Variants in PCNX1 observed in about 807,000 individuals in gnomAD.
PCNX1 encodes pecanex-like protein 1.
PCNX1 carries 78 observed loss-of-function variants against 242.2 expected under a neutral mutation model. The ratio of observed to expected loss-of-function variants is 0.32; its 90% CI spans 0.27 to 0.39. PCNX1 has a LOEUF of 0.39. Among genes scored for constraint, PCNX1 ranks in the 10% least tolerant of loss-of-function variants. The pLI is 1.00. For synonymous variants in PCNX1, 1,024 were observed against 1,032.9 expected (o/e 0.99, Z 0.17); for missense variants, 2,581 against 2,856.5 (o/e 0.90, Z 2.20).
chr14:70,972,798 A>G (rs563446335), intron 5 of PCNX1, among the ~76,000 whole-genome samples: 2 of 152,288 alleles, frequency 1.3e-5, no homozygotes, highest in Admixed American at 1.3e-4. Context: ...CCTCTCGCTC[A>G]TACCTTCCCT....
chr14:71,068,088 A>G (rs182506474), intron 26 of PCNX1, among the ~76,000 whole-genome samples: 357 of 152,162 alleles, frequency 2.3e-3, no homozygotes, highest in African/African-American at 7.0e-3. Context: ...ACACTTTGGG[A>G]GGCCTAGGCG....
rs1393223256 is a variant in PCNX1, at chr14:70,960,243, C to T, written c.363-1983C>T. Among the ~76,000 whole-genome samples the T allele has an allele frequency of 6.7e-5, 9 of 133,834 alleles. No individual in the cohort carries two copies. In the East Asian group the frequency reaches 1.4e-3, roughly 21 times the overall value. 87.8% of individuals were successfully genotyped at this position (133,834 alleles called of 152,430 possible). A position where few individuals can be genotyped will look rare whatever the true frequency, so the allele number is the denominator to read the frequency against. On this transcript the variant is annotated intron_variant, in intron 2 of 35. Coordinates refer to ENST00000304743, the MANE Select transcript of PCNX1 (RefSeq NM_014982.3). ...GAAGCTCTTTAGTTTAATTAGATCC[C>T]ATTTGTCAATTTTGGCTTTTGTTGC... is the stretch of plus-strand genomic sequence containing the variant.
chr14:70,914,105 C>A (rs2056047926), intron 1 of PCNX1, among the ~76,000 whole-genome samples: 1 of 152,130 alleles, frequency 6.6e-6, no homozygotes, highest in African/African-American at 2.4e-5. Context: ...CCATCTACCA[C>A]ATGTTCTCAC....
chr14:71,053,306 C>G (rs1309819586), intron 24 of PCNX1: 1 of 451,472 alleles, frequency 2.2e-6, no homozygotes, highest in South Asian at 1.6e-5. Context: ...GAGTTTTGCC[C>G]TTGTCATCCA....
intron 35 of PCNX1, 58 bp from the exon 36 acceptor site, chr14:71,109,737 T>A: frequency 6.3e-7 from 1 of 1,591,814 alleles, no homozygotes; most frequent in Non-Finnish European, 8.6e-7. Flanking sequence ...GGGGTAAGAG[T>A]TTGTGAGTAT....
At position 70,977,061 on chromosome 14, in the gene PCNX1, C is replaced by T. The variant is rs755833751; in HGVS notation, c.724C>T (p.Leu242=). The T allele has an allele frequency of 3.1e-6, 5 of 1,614,168 alleles. No homozygotes were observed. The highest frequency in any genetic ancestry group is 4.2e-6 in the Non-Finnish European group (5 of 1,180,032). ...LPRDFSDKVN[L]PSHNHHHHVD... ...AAGGGACTTCAGTGACAAAGTGAAC[C>T]TGCCAAGTCATAACCACCACCACCA... Residue 242 remains leucine, a synonymous_variant, in exon 6 of 36, where the codon CTG becomes TTG. Transcript: ENST00000304743.
intron 1 of PCNX1, among the ~76,000 whole-genome samples, chr14:70,933,261 G>A (rs61988723): frequency 0.014 from 2,144 of 152,292 alleles, 24 homozygotes; most frequent in Middle Eastern, 0.034. Context: ...GGCGGTGATA[G>A]ATTTGTAGTT....
chr14:70,974,420 A>G (rs1470972304), intron 5 of PCNX1, among the ~76,000 whole-genome samples: 3 of 152,092 alleles, frequency 2.0e-5, no homozygotes, highest in Non-Finnish European at 1.5e-5. Flanking sequence ...GGCGTGAGCC[A>G]CTGCACCCAG....
At chr14:70,952,566 A>C (rs2057827976) in intron 2 of PCNX1, among the ~76,000 whole-genome samples, 1 of 150,854 alleles carries the variant, frequency 6.6e-6, no homozygotes, top group South Asian at 2.1e-4. Context: ...TACAGTATGC[A>C]TTTCTCTATG....
intron 26 of PCNX1, among the ~76,000 whole-genome samples, chr14:71,061,952 A>C (rs2061335908): frequency 6.6e-6 from 1 of 152,140 alleles, no homozygotes; most frequent in Non-Finnish European, 1.5e-5. Context: ...GAAAATTCAC[A>C]GTGAAGGGTT....
chr14:71,060,784 C>T (rs1212775468), intron 26 of PCNX1: 2 of 152,180 alleles, frequency 1.3e-5, no homozygotes, highest in Non-Finnish European at 2.9e-5. Flanking sequence ...GGAGAAACTA[C>T]TGAAGACCAG....
At chr14:71,077,422 G>A (rs929536920) in intron 28 of PCNX1, among the ~76,000 whole-genome samples, 19 of 152,256 alleles carry the variant, frequency 1.2e-4, no homozygotes, top group East Asian at 9.6e-4. Context: ...TGGTGCCTTC[G>A]TCATGGTCTA....
intron 7 of PCNX1, 60 bp downstream of exon 7, chr14:70,988,759 C>G: frequency 6.5e-7 from 1 of 1,535,340 alleles, no homozygotes; most frequent in Non-Finnish European, 8.9e-7. Flanking sequence ...CTAATCTGTT[C>G]CGCCAGTCCC....
Position 70,948,414 on chromosome 14 carries a change from A to T in PCNX1, c.362+1291A>T, listed in dbSNP as rs369319774. Reference sequence around the variant, plus strand: ...GGAAAATAGAAAAGAACCTACGTTGAAATATTGGGGGCTGGTTCCCCTGAT... The same window carrying T: ...GGAAAATAGAAAAGAACCTACGTTGTAATATTGGGGGCTGGTTCCCCTGAT... On this transcript the variant is annotated intron_variant, in intron 2 of 35. Coordinates refer to ENST00000304743, the MANE Select transcript of PCNX1 (RefSeq NM_014982.3). Among the ~76,000 whole-genome samples, 548 of 152,202 alleles carry T rather than the reference A, an allele frequency of 3.6e-3. 1 individual carries two copies. Among genetic ancestry groups the T allele is most frequent in the African/African-American group, 0.013 (531 of 41,516 alleles).
chr14:70,984,934 T>C (rs1211784625), intron 6 of PCNX1, among the ~76,000 whole-genome samples: 1 of 152,180 alleles, frequency 6.6e-6, no homozygotes, highest in Non-Finnish European at 1.5e-5. Context: ...AAATAATTCA[T>C]TTTAGAATGT....
intron 15 of PCNX1, among the ~76,000 whole-genome samples, chr14:71,027,956 T>C (rs1334790460): frequency 2.0e-5 from 3 of 151,884 alleles, no homozygotes; most frequent in African/African-American, 4.8e-5. Flanking sequence ...TACAAACTTA[T>C]GCAAGGTATT....
In PCNX1 at chr14:71,073,692, T is replaced by C; in HGVS notation, c.5000T>C (p.Ile1667Thr). Residue 1667 changes from isoleucine to threonine, a missense_variant, in exon 27 of 36, where the codon ATA (isoleucine) becomes ACA (threonine). By Grantham distance (89) the Ile-to-Thr change is moderately conservative. This residue lies in a region of PCNX1 where 298 missense variants were observed against 480.1 expected (regional missense o/e 0.62). Transcript: ENST00000304743. ...CAGCGATGGCTAGCTTGGGAAGTGA[T>C]AGTCACAAAGTACATTCTGGAGGGT... ...FSQRWLAWEVIVTKYILEGYS... is the reference protein window; with the variant it reads ...FSQRWLAWEVTVTKYILEGYS... 1.2e-6 allele frequency: 2 copies of C among 1,614,098 alleles called. No individual in the cohort carries two copies. Among genetic ancestry groups the C allele is most frequent in the Non-Finnish European group, 1.7e-6 (2 of 1,179,978 alleles).
At chr14:70,944,431 A>C (rs888933218) in intron 1 of PCNX1, among the ~76,000 whole-genome samples, 1 of 152,188 alleles carries the variant, frequency 6.6e-6, no homozygotes, top group Non-Finnish European at 1.5e-5. Context: ...TGTTTTGGCC[A>C]ATTTCTCCCA....
chr14:70,919,810 C>T lies in PCNX1; in HGVS notation c.153+11807C>T, dbSNP rs1459346394. Among the ~76,000 whole-genome samples, 3 of 138,432 alleles carry T rather than the reference C, an allele frequency of 2.2e-5. No homozygotes were observed. In the East Asian group the frequency reaches 6.8e-4, roughly 31 times the overall value. The allele number at this position is 138,432 out of a possible 152,430, so 90.8% of individuals were successfully genotyped here. On this transcript the variant is annotated intron_variant, in intron 1 of 35. Transcript: ENST00000304743. The stretch of plus-strand genomic sequence containing the variant: ...TTTATCCCTGGAACCTGAGCAGTTG[C>T]ATCTTTTATAACTTGCACTGTCAGT...
Sources: allele counts gnomAD v4.1 joint callset (sites outside exome capture counted in the v4.1 genomes callset), GRCh38; gene constraint gnomAD v4.1.1; regional missense constraint gnomAD v4.1.1; transcripts MANE v1.5; gene names NCBI Gene and HGNC (gene_info 2026-07-23, HGNC 2026-07-21).